Variants in MGAT4C observed in about 807,000 individuals in gnomAD.
MGAT4C encodes alpha-1,3-mannosyl-glycoprotein 4-beta-N-acetylglucosaminyltransferase C.
In MGAT4C, 19 loss-of-function variants were observed where a neutral mutation model predicts 40.1. The observed-to-expected ratio is 0.47, with a 90% CI of 0.33 to 0.70. MGAT4C has a LOEUF of 0.70. MGAT4C is among the 30% of genes least tolerant of loss of function. The pLI, the probability that MGAT4C is intolerant of heterozygous loss-of-function variation, is 0.02. For synonymous variants in MGAT4C, 181 were observed against 187.1 expected (o/e 0.97, Z 0.27); for missense variants, 491 against 563.2 (o/e 0.87, Z 1.30).
chr12:86,346,548 C>A (rs1486050941), intron 3 of MGAT4C, among the ~76,000 whole-genome samples: 1 of 152,078 alleles, frequency 6.6e-6, no homozygotes, highest in Non-Finnish European at 1.5e-5. Context: ...TTGAAGTTAA[C>A]AAACCACAAT....
At chr12:86,057,269 C>G (rs1032537503) in intron 1 of MGAT4C, among the ~76,000 whole-genome samples, 1 of 152,084 alleles carries the variant, frequency 6.6e-6, no homozygotes, top group Non-Finnish European at 1.5e-5. Flanking sequence ...CCTCAAATTC[C>G]TGGGCTGTTA....
intron 2 of MGAT4C, among the ~76,000 whole-genome samples, chr12:86,625,335 G>A (rs1011429503): frequency 2.0e-5 from 3 of 151,898 alleles, no homozygotes; most frequent in Non-Finnish European, 4.4e-5. Context: ...GTGTGACAAT[G>A]GACTAATACA....
chr12:86,181,338 A>T (rs921947342), intron 1 of MGAT4C, among the ~76,000 whole-genome samples: 8 of 152,280 alleles, frequency 5.3e-5, no homozygotes, highest in Non-Finnish European at 8.8e-5. Context: ...ATGGTAACTT[A>T]ACATTTAGCC....
At chr12:86,640,558 T>C (rs1352259137) in intron 2 of MGAT4C, among the ~76,000 whole-genome samples, 2 of 152,162 alleles carry the variant, frequency 1.3e-5, no homozygotes, top group East Asian at 3.9e-4. Flanking sequence ...AACCAGCTCC[T>C]GGATTCGTTA....
At chr12:86,028,353 T>C (rs1327120932) in intron 2 of MGAT4C, 1 of 355,126 alleles carries the variant, frequency 2.8e-6, no homozygotes, top group East Asian at 7.5e-5. Context: ...GGGCAAGTGA[T>C]GCTGTCACTA....
chr12:86,525,656 G>T (rs1565825907), intron 2 of MGAT4C, among the ~76,000 whole-genome samples: 1 of 152,098 alleles, frequency 6.6e-6, no homozygotes, highest in Non-Finnish European at 1.5e-5. Flanking sequence ...ATTTGATTGT[G>T]GTATAAGGTG....
At chr12:86,558,381 A>G (rs1270600769) in intron 2 of MGAT4C, among the ~76,000 whole-genome samples, 1 of 152,098 alleles carries the variant, frequency 6.6e-6, no homozygotes, top group African/African-American at 2.4e-5. Context: ...ATTTAACACA[A>G]AAAGTAATCC....
intron 1 of MGAT4C, among the ~76,000 whole-genome samples, chr12:86,827,888 G>A (rs924789961): frequency 9.3e-5 from 14 of 151,188 alleles, no homozygotes; most frequent in Admixed American, 3.3e-4. Flanking sequence ...AAAAAAGTTC[G>A]TATGCTTTCT....
intron 1 of MGAT4C, among the ~76,000 whole-genome samples, chr12:86,780,060 A>AT (rs1309888426): frequency 1.3e-5 from 2 of 152,066 alleles, no homozygotes; most frequent in African/African-American, 4.8e-5. Flanking sequence ...TTCCCCATTT[A>AT]TTTTTTAATT....
At chr12:86,452,023 T>A (rs909146523) in intron 2 of MGAT4C, among the ~76,000 whole-genome samples, 3 of 152,068 alleles carry the variant, frequency 2.0e-5, no homozygotes, top group Non-Finnish European at 4.4e-5. Context: ...CGACCCCTAT[T>A]TTCTAGTAGA....
chr12:86,502,739 T>C (rs538479895), intron 2 of MGAT4C, among the ~76,000 whole-genome samples: 22 of 144,290 alleles, frequency 1.5e-4, no homozygotes, highest in Non-Finnish European at 2.0e-4. Context: ...TCTGCTCATA[T>C]ATAAATACAC....
At chr12:86,335,789 A>T (rs79150038) in intron 3 of MGAT4C, among the ~76,000 whole-genome samples, 4 of 152,238 alleles carry the variant, frequency 2.6e-5, no homozygotes, top group African/African-American at 9.6e-5. Context: ...TGCAACCCTT[A>T]CTGACATTAA....
At chr12:86,681,364 C>A (rs1328837982) in intron 2 of MGAT4C, among the ~76,000 whole-genome samples, 1 of 151,810 alleles carries the variant, frequency 6.6e-6, no homozygotes, top group Non-Finnish European at 1.5e-5. Flanking sequence ...ACATTTGCAA[C>A]CATGGTGGAC....
chr12:86,746,410 T>C (rs1828379082), intron 1 of MGAT4C, among the ~76,000 whole-genome samples: 1 of 151,458 alleles, frequency 6.6e-6, no homozygotes, highest in African/African-American at 2.4e-5. Context: ...CAAGTATAAT[T>C]TAAGGGTGGG....
At chr12:86,299,359 C>T (rs1481010248) in intron 4 of MGAT4C, among the ~76,000 whole-genome samples, 2 of 152,112 alleles carry the variant, frequency 1.3e-5, no homozygotes, top group Non-Finnish European at 2.9e-5. Context: ...CCTCGTGATC[C>T]GCCCGCCTCG....
chr12:86,515,957 G>C (rs753842830), intron 2 of MGAT4C, among the ~76,000 whole-genome samples: 3 of 151,792 alleles, frequency 2.0e-5, no homozygotes, highest in African/African-American at 4.8e-5. Context: ...TGTTAGCCAG[G>C]ATGTTCTCGA....
rs370740912 is a variant in MGAT4C at position 86,477,703 on chromosome 12, G to A, written c.-228-42438C>T. Among the ~76,000 whole-genome samples the A allele has an allele frequency of 1.6e-3, 239 of 151,998 alleles. 7 individuals carry two copies. In the South Asian group the frequency reaches 0.048, roughly 30 times the overall value. Reference sequence around the variant, plus strand: ...GTCGGTGTGCTGCACCCATTAACTCGTCATTTACATTAGGTATATCTCCTA... The same window carrying A: ...GTCGGTGTGCTGCACCCATTAACTCATCATTTACATTAGGTATATCTCCTA... On this transcript the variant is annotated intron_variant, in intron 2 of 7. Transcript: ENST00000548651.
chr12:86,602,318 A>C (rs1961815147), intron 2 of MGAT4C, among the ~76,000 whole-genome samples: 1 of 151,966 alleles, frequency 6.6e-6, no homozygotes, highest in Non-Finnish European at 1.5e-5. Context: ...GCCATACCCT[A>C]AGGATCCTGT....
chr12:86,120,203 T>A (rs1879141838), intron 1 of MGAT4C, among the ~76,000 whole-genome samples: 1 of 46,218 alleles, frequency 2.2e-5, no homozygotes, highest in Non-Finnish European at 3.7e-5. Context: ...GATCACTTTT[T>A]AAATTTTATT....
Sources: allele counts gnomAD v4.1 joint callset (sites outside exome capture counted in the v4.1 genomes callset), GRCh38; gene constraint gnomAD v4.1.1; transcripts MANE v1.5; gene names NCBI Gene and HGNC (gene_info 2026-07-23, HGNC 2026-07-21).